The following TDRD12 variants were observed in gnomAD, a reference collection of about 807,000 sequenced individuals.
The protein encoded by TDRD12 is putative ATP-dependent RNA helicase TDRD12.
TDRD12 carries 158 observed loss-of-function variants against 133.5 expected under a neutral mutation model. That is an observed-to-expected ratio of 1.18 (90% CI 1.04 to 1.35). The LOEUF (loss-of-function observed/expected upper bound fraction) is 1.35. Ranked by LOEUF, TDRD12 falls within the 40% of genes most tolerant of loss-of-function variation. The probability of loss-of-function intolerance (pLI) is 0.00; values close to 1 mark genes in which losing one functional copy is unlikely to be tolerated. For missense variants in TDRD12, 1,443 were observed against 1,321.3 expected (o/e 1.09, Z -1.43); for synonymous variants, 460 against 477.9 (o/e 0.96, Z 0.49).
chr19:32,822,426 C>A (rs971779129), downstream of TDRD12, among the ~76,000 whole-genome samples: 1 of 151,972 alleles, frequency 6.6e-6, no homozygotes, highest in African/African-American at 2.4e-5. Flanking sequence ...AATGAGACTC[C>A]GTCTCAAAAT....
chr19:32,792,493 A>G (rs1317381691), intron 13 of TDRD12, among the ~76,000 whole-genome samples: 1 of 152,172 alleles, frequency 6.6e-6, no homozygotes, highest in Admixed American at 6.5e-5. Context: ...AAATGTAAAA[A>G]TCACTAGTAT....
At position 32,827,143 on chromosome 19, in the gene TDRD12, TATA is replaced by T. The variant is rs1967617886; in HGVS notation, c.1050-17_1050-15del. The T allele has an allele frequency of 4.2e-6, 5 of 1,178,274 alleles. No individual in the cohort carries two copies. The East Asian group carries it at 1.3e-4, about 30-fold the overall frequency. 73.0% of individuals were successfully genotyped at this position (1,178,274 alleles called of 1,614,324 possible). On this transcript the variant is annotated intron_variant, in intron 9 of 9. Transcript: ENST00000637289. ...TGCTGATTAGTCTACACTTATTTGT[TATA>T]ATATCTTACTCCTTTAGTAGTGAAT...
chr19:32,757,651 C>T (rs922317894), intron 8 of TDRD12, among the ~76,000 whole-genome samples: 2 of 152,156 alleles, frequency 1.3e-5, no homozygotes, highest in African/African-American at 2.4e-5. Flanking sequence ...AGGAAGGCCT[C>T]ACTTCATGTC....
chr19:32,790,706 G>A (rs2145661950), intron 12 of TDRD12, 115 bp downstream of exon 12: 1 of 1,550,858 alleles, frequency 6.4e-7, no homozygotes, highest in Non-Finnish European at 8.7e-7. Context: ...CCTTAGATGG[G>A]GGACTTAACC....
chr19:32,823,950 G>T (rs906398759), downstream of TDRD12, among the ~76,000 whole-genome samples: 18 of 152,198 alleles, frequency 1.2e-4, no homozygotes, highest in African/African-American at 4.3e-4. Flanking sequence ...AGCCAGGTGG[G>T]TCCCCCAAAC....
chr19:32,802,568 T>C, intron 19 of TDRD12, 88 bp from the exon 20 acceptor site: 1 of 1,389,754 alleles, frequency 7.2e-7, no homozygotes, highest in Admixed American at 2.5e-5. Context: ...GATATGGAAA[T>C]GCACTGCAGT....
chr19:32,820,940 A>T, intron 27 of TDRD12, 93 bp from the exon 28 acceptor site: 1 of 1,000,826 alleles, frequency 1.0e-6, no homozygotes. Flanking sequence ...CCACGGCCAC[A>T]GGCACTTCAC....
chr19:32,739,958 A>G (rs1228664979), intron 3 of TDRD12, among the ~76,000 whole-genome samples: 23 of 91,530 alleles, frequency 2.5e-4, no homozygotes, highest in African/African-American at 5.0e-4. Flanking sequence ...TCTCCTAGGT[A>G]CTCTATGCAT....
chr19:32,722,462 T>C (rs141726919), intron 1 of TDRD12, among the ~76,000 whole-genome samples: 2,118 of 152,262 alleles, frequency 0.014, 18 homozygotes, highest in Non-Finnish European at 0.02. Flanking sequence ...CCCCAAGTGC[T>C]GTGTAGGTAC....
exon 25 of TDRD12, chr19:32,813,688 C>T: frequency 6.6e-7 from 1 of 1,520,598 alleles, no homozygotes. Flanking sequence ...TTTCAGGTTA[C>T]TAGGTACATT....
At chr19:32,731,596 A>AT (rs1969056212) in intron 1 of TDRD12, 129 bp from the exon 2 acceptor site, 1 of 801,508 alleles carries the variant, frequency 1.2e-6, no homozygotes, top group Non-Finnish European at 1.9e-6. Context: ...TAACCATTTA[A>AT]GCAAAGGCAT....
downstream of TDRD12, chr19:32,826,034 G>A (rs201821756): frequency 6.0e-5 from 63 of 1,057,482 alleles, no homozygotes; most frequent in East Asian, 3.9e-4. Flanking sequence ...ATATATATAT[G>A]TGTGTACATG....
intron 25 of TDRD12, among the ~76,000 whole-genome samples, 177 bp downstream of exon 25, chr19:32,813,953 T>C (rs911980292): frequency 2.6e-5 from 4 of 152,210 alleles, no homozygotes; most frequent in Admixed American, 1.3e-4. Flanking sequence ...GTGGGTTTAG[T>C]TTTTGTTCAG....
At chr19:32,794,694 C>T (rs1037652951) in exon 14 of TDRD12, 22 of 702,978 alleles carry the variant, frequency 3.1e-5, no homozygotes, top group African/African-American at 7.0e-5. Context: ...TCCCATAGCG[C>T]GTGGCTGTGA....
In TDRD12 at chr19:32,748,496, A is replaced by G. The variant is rs200157515; in HGVS notation, c.461A>G (p.Asn154Ser). 29 of 1,551,714 alleles carry G rather than the reference A, an allele frequency of 1.9e-5. No homozygotes were observed. Among genetic ancestry groups the G allele is most frequent in the South Asian group, 1.5e-4 (13 of 84,052 alleles). ...TCCAGACCTGCCAAGAAGTGGGACA[A>G]TGCAGCTATTCAGTACTTTCAGAAC... is the stretch of plus-strand genomic sequence containing the variant. The change falls in exon 5 of 28, where the codon AAT (asparagine) becomes AGT (serine). Residue 154 changes from asparagine (N) to serine (S), a missense_variant. Coordinates refer to ENST00000444215, the Ensembl canonical transcript of TDRD12.
intron 6 of TDRD12, among the ~76,000 whole-genome samples, chr19:32,753,673 T>A (rs1333895117): frequency 2.6e-5 from 2 of 77,462 alleles, no homozygotes; most frequent in African/African-American, 7.8e-5. Context: ...CTGGCTAATT[T>A]TTTTTTTTTT....
At chr19:32,823,423 T>C (rs1422239892), downstream of TDRD12, among the ~76,000 whole-genome samples, 3 of 152,134 alleles carry the variant, frequency 2.0e-5, no homozygotes, top group Non-Finnish European at 2.9e-5. Context: ...ATGGGGGTCA[T>C]CTGGAAGGAT....
At chr19:32,762,107 C>T (rs1455562932) in intron 8 of TDRD12, among the ~76,000 whole-genome samples, 1 of 152,080 alleles carries the variant, frequency 6.6e-6, no homozygotes, top group African/African-American at 2.4e-5. Flanking sequence ...TACATGTGTC[C>T]TTTGCAAACA....
chr19:32,748,624 T>A (rs1969729379), intron 5 of TDRD12, 93 bp downstream of exon 5: 2 of 1,321,558 alleles, frequency 1.5e-6, no homozygotes, highest in African/African-American at 3.0e-5. Context: ...GATGCCCCTG[T>A]TGGCCAAACG....
Sources: allele counts gnomAD v4.1 joint callset (sites outside exome capture counted in the v4.1 genomes callset), GRCh38; gene constraint gnomAD v4.1.1; transcripts MANE v1.5; gene names NCBI Gene and HGNC (gene_info 2026-07-23, HGNC 2026-07-21).